The following DNAH11 variants were observed in gnomAD, a reference collection of about 807,000 sequenced individuals.
DNAH11 encodes axonemal beta dynein heavy chain 11.
In DNAH11, 442 loss-of-function variants were observed where a neutral mutation model predicts 526.0. The observed-to-expected ratio is 0.84, with a 90% CI of 0.78 to 0.91. The LOEUF (loss-of-function observed/expected upper bound fraction) is 0.91, where lower values mean the gene tolerates loss of function less well. Ranked by LOEUF, DNAH11 falls within the 40% of genes least tolerant of loss-of-function variation. DNAH11 has a pLI of 0.00. For synonymous variants in DNAH11, 2,461 were observed against 1,935.9 expected, an observed-to-expected ratio of 1.27 and a Z score of -7.12; for missense variants, 6,989 against 5,448.7, an observed-to-expected ratio of 1.28 and a Z score of -8.90.
intron 81 of DNAH11, 59 bp from the exon 82 acceptor site, chr7:21,900,948 G>T: frequency 1.4e-6 from 2 of 1,390,264 alleles, no homozygotes; most frequent in South Asian, 1.5e-5. Flanking sequence ...CAACTTACTT[G>T]ATCATTATCA....
At chr7:21,873,158 A>T (rs1252641849) in intron 73 of DNAH11, 116 bp from the exon 74 acceptor site, 3 of 958,600 alleles carry the variant, frequency 3.1e-6, no homozygotes, top group Non-Finnish European at 4.7e-6. Flanking sequence ...GATAAAGGAA[A>T]ATTTGAATCA....
Position 21,570,114 on chromosome 7 carries a change from G to C in DNAH11, c.1240G>C (p.Glu414Gln), listed in dbSNP as rs1000957789. 4 of 1,612,434 alleles carry C rather than the reference G, an allele frequency of 2.5e-6. No homozygotes were observed. The highest frequency in any genetic ancestry group is 3.4e-6 in the Non-Finnish European group (4 of 1,179,298). The change falls in exon 7 of 82, where the codon GAA (glutamate) becomes CAA (glutamine). Residue 414 changes from glutamate (E) to glutamine (Q), a missense_variant. Glu to Gln is a conservative substitution (Grantham distance 29). Coordinates refer to ENST00000409508, the MANE Select transcript of DNAH11 (RefSeq NM_001277115.2). ...TGAGGACCTTTTGAGGGGAGAAATA[G>C]AAGAGTCACTGGAAAAGGTGCAGGT... ...SPEDLLRGEI[E>Q]ESLEKVQVAV...
At chr7:21,598,003 T>C (rs1784930011) in intron 14 of DNAH11, among the ~76,000 whole-genome samples, 2 of 152,178 alleles carry the variant, frequency 1.3e-5, no homozygotes, top group African/African-American at 2.4e-5. Context: ...GAAGGAGCAG[T>C]TCTTAAATTT....
At chr7:21,829,215 C>G (rs750576067) in intron 65 of DNAH11, among the ~76,000 whole-genome samples, 2 of 152,016 alleles carry the variant, frequency 1.3e-5, no homozygotes, top group Non-Finnish European at 2.9e-5. Flanking sequence ...TATTTCTTCT[C>G]CTAAATGTGT....
At chr7:21,548,627 G>A in intron 2 of DNAH11, among the ~76,000 whole-genome samples, 1 of 152,170 alleles carries the variant, frequency 6.6e-6, no homozygotes, top group East Asian at 1.9e-4. Context: ...CAACTGGAAG[G>A]TAACAGGTTA....
chr7:21,769,154 C>G (rs5020374), intron 55 of DNAH11, among the ~76,000 whole-genome samples: 2 of 151,964 alleles, frequency 1.3e-5, no homozygotes, highest in Non-Finnish European at 2.9e-5. Flanking sequence ...AATGCAACCA[C>G]ATTTATCTTG....
At chr7:21,873,111 T>C (rs1783563303) in intron 73 of DNAH11, among the ~76,000 whole-genome samples, 163 bp from the exon 74 acceptor site, 1 of 151,776 alleles carries the variant, frequency 6.6e-6, no homozygotes, top group Non-Finnish European at 1.5e-5. Context: ...TTTTGATGTA[T>C]TGATGTATTG....
intron 79 of DNAH11, among the ~76,000 whole-genome samples, chr7:21,898,728 G>A (rs141691301): frequency 2.6e-5 from 4 of 152,170 alleles, no homozygotes; most frequent in Non-Finnish European, 5.9e-5. Flanking sequence ...GTGAGGAGCC[G>A]AGAAGAGAAC....
chr7:21,622,035 G>A (rs1329513034), intron 25 of DNAH11, among the ~76,000 whole-genome samples: 3 of 152,096 alleles, frequency 2.0e-5, no homozygotes, highest in African/African-American at 7.2e-5. Flanking sequence ...AATTGTCCCT[G>A]TTTGCAGATG....
chr7:21,864,273 AAT>A (rs1159634292), intron 69 of DNAH11, among the ~76,000 whole-genome samples: 1 of 152,218 alleles, frequency 6.6e-6, no homozygotes, highest in Non-Finnish European at 1.5e-5. Flanking sequence ...GCATATTTTA[AAT>A]ATGTTGCTAA....
At chr7:21,725,713 G>A in intron 44 of DNAH11, 98 bp from the exon 45 acceptor site, 1 of 1,271,282 alleles carries the variant, frequency 7.9e-7, no homozygotes, top group Non-Finnish European at 1.1e-6. Flanking sequence ...GCAATTTTAG[G>A]TTTCTACCCC....
intron 18 of DNAH11, 104 bp downstream of exon 18, chr7:21,601,722 C>T: frequency 1.2e-6 from 1 of 817,644 alleles, no homozygotes; most frequent in Non-Finnish European, 1.7e-6. Context: ...ACAATCTATA[C>T]TGTACACATT....
intron 2 of DNAH11, among the ~76,000 whole-genome samples, chr7:21,547,330 T>G (rs1466452327): frequency 6.6e-6 from 1 of 152,208 alleles, no homozygotes; most frequent in Non-Finnish European, 1.5e-5. Context: ...GAGAAACACA[T>G]TTATCCTTCC....
chr7:21,845,859 C>G (rs1475736833), intron 66 of DNAH11, among the ~76,000 whole-genome samples: 1 of 152,150 alleles, frequency 6.6e-6, no homozygotes, highest in Non-Finnish European at 1.5e-5. Context: ...ATTGAGACTT[C>G]CTATTCATCA....
chr7:21,791,990 G>A (rs1583699997), intron 61 of DNAH11, among the ~76,000 whole-genome samples: 1 of 152,138 alleles, frequency 6.6e-6, no homozygotes, highest in South Asian at 2.1e-4. Flanking sequence ...CGGGGCCTCA[G>A]GAAACTTTCA....
At chr7:21,594,996 G>T (rs1347220911) in intron 14 of DNAH11, among the ~76,000 whole-genome samples, 1 of 152,216 alleles carries the variant, frequency 6.6e-6, no homozygotes, top group African/African-American at 2.4e-5. Flanking sequence ...CTAGGGAAGA[G>T]GCAGGCCGAC....
intron 65 of DNAH11, among the ~76,000 whole-genome samples, chr7:21,833,477 G>C (rs1212759262): frequency 2.6e-5 from 4 of 152,098 alleles, no homozygotes; most frequent in African/African-American, 9.7e-5. Flanking sequence ...TGGATCACCT[G>C]AGGTCAGGAG....
intron 25 of DNAH11, among the ~76,000 whole-genome samples, chr7:21,634,158 T>G (rs964429811): frequency 2.0e-5 from 3 of 152,232 alleles, no homozygotes; most frequent in Non-Finnish European, 4.4e-5. Context: ...ACACTTATTA[T>G]TGGTTTATTC....
intron 28 of DNAH11, among the ~76,000 whole-genome samples, chr7:21,655,211 T>C (rs892489245): frequency 5.3e-5 from 8 of 152,126 alleles, no homozygotes; most frequent in African/African-American, 1.7e-4. Context: ...CCTGGAATTA[T>C]AGGTTCATTG....
Sources: gnomAD v4.1 joint callset for allele counts (sites outside exome capture counted in the v4.1 genomes callset) on GRCh38, gnomAD v4.1.1 for gene constraint, MANE v1.5 for transcripts, NCBI Gene and HGNC (gene_info 2026-07-23, HGNC 2026-07-21) for gene names.